Variants in STOX2 observed in about 807,000 individuals in gnomAD.
STOX2 encodes the protein storkhead box 2, also known as storkhead-box protein 2.
In STOX2, 28 loss-of-function variants were observed where a neutral mutation model predicts 60.9. The ratio of observed to expected loss-of-function variants is 0.46; its 90% confidence interval spans 0.34 to 0.63. The LOEUF (loss-of-function observed/expected upper bound fraction) is 0.63. Ranked by LOEUF, STOX2 falls within the 30% of genes least tolerant of loss-of-function variation. The pLI, the probability that STOX2 is intolerant of heterozygous loss-of-function variation, is 0.01. For missense variants in STOX2, 1,024 were observed against 1,187.7 expected, an observed-to-expected ratio of 0.86 and a Z score of 2.03; for synonymous variants, 472 against 463.9, an observed-to-expected ratio of 1.02 and a Z score of -0.22.
intron 1 of STOX2, among the ~76,000 whole-genome samples, chr4:183,946,001 A>G (rs965503619): frequency 1.3e-5 from 2 of 152,236 alleles, no homozygotes; most frequent in East Asian, 1.9e-4. Context: ...TCTAAAGGGA[A>G]CAATTTAACA....
chr4:183,800,950 G>A (rs1213854074), intron 1 of STOX2, among the ~76,000 whole-genome samples: 1 of 152,224 alleles, frequency 6.6e-6, no homozygotes, highest in East Asian at 1.9e-4. Context: ...TTGTCTGGCT[G>A]TGCTGTGGTA....
intron 1 of STOX2, among the ~76,000 whole-genome samples, chr4:183,872,640 G>A (rs180878106): frequency 2.0e-5 from 3 of 152,238 alleles, no homozygotes; most frequent in East Asian, 1.9e-4. Context: ...ATTAGAAGCC[G>A]GGTGTGTGGC....
At chr4:183,852,476 AGAAAGGATGAGG>A (rs1553968115) in intron 1 of STOX2, among the ~76,000 whole-genome samples, 3 of 1,532 alleles carry the variant, frequency 2.0e-3, no homozygotes, top group Non-Finnish European at 3.0e-3. Flanking sequence ...AAAGGATGAG[AGAAAGGATGAGG>A]GAAAGGATGA....
chr4:183,976,294 A>G (rs188559279), intron 1 of STOX2, among the ~76,000 whole-genome samples: 2 of 152,360 alleles, frequency 1.3e-5, no homozygotes, highest in East Asian at 3.9e-4. Flanking sequence ...CCTGGGCAAC[A>G]GAGCGAGACT....
In STOX2 at chr4:183,875,349, T is replaced by C. The variant is rs80201992; in HGVS notation, c.364+77294T>C. Among the ~76,000 whole-genome samples the C allele has an allele frequency of 5.2e-3, 789 of 152,216 alleles. 9 individuals are homozygous for C. The highest frequency in any genetic ancestry group is 0.015 in the African/African-American group (640 of 41,542). ...ATACCTTGGCTGGGGTTTTAGAAGA[T>C]GGGGCAGGGGAAGGAGGCAATTGTG... On this transcript the variant is annotated intron_variant, in intron 1 of 2. Transcript: ENST00000513034.
chr4:183,914,149 G>A (rs1741863546), intron 1 of STOX2, among the ~76,000 whole-genome samples: 1 of 152,220 alleles, frequency 6.6e-6, no homozygotes, highest in African/African-American at 2.4e-5. Flanking sequence ...ATGGGACAAG[G>A]TGGAAAGGGT....
At chr4:183,993,718 A>C (rs1733208498) in intron 1 of STOX2, among the ~76,000 whole-genome samples, 1 of 152,224 alleles carries the variant, frequency 6.6e-6, no homozygotes, top group Admixed American at 6.5e-5. Flanking sequence ...AATCAGTGGC[A>C]TTTGAAACAA....
intron 1 of STOX2, among the ~76,000 whole-genome samples, chr4:183,976,523 TA>T (rs1359733202): frequency 1.3e-5 from 2 of 150,812 alleles, no homozygotes; most frequent in Non-Finnish European, 2.9e-5. Flanking sequence ...AATCTGCAGC[TA>T]TGATAGCTAT....
intron 1 of STOX2, among the ~76,000 whole-genome samples, chr4:183,829,585 T>C (rs554947997): frequency 6.6e-6 from 1 of 152,224 alleles, no homozygotes; most frequent in African/African-American, 2.4e-5. Context: ...CCAGCATAGG[T>C]AACACAGTAC....
intron 1 of STOX2, among the ~76,000 whole-genome samples, chr4:183,892,300 A>G (rs1413707985): frequency 3.3e-5 from 5 of 152,078 alleles, no homozygotes; most frequent in African/African-American, 4.8e-5. Context: ...TTTTTTTGAG[A>G]CGGAGTCTCG....
chr4:183,887,123 G>T (rs972861449), intron 1 of STOX2, among the ~76,000 whole-genome samples: 5 of 152,150 alleles, frequency 3.3e-5, no homozygotes, highest in African/African-American at 1.2e-4. Flanking sequence ...AATTAGTCTG[G>T]CGTAGTGGTG....
chr4:183,823,886 A>T (rs140250472), intron 1 of STOX2, among the ~76,000 whole-genome samples: 365 of 151,282 alleles, frequency 2.4e-3, no homozygotes, highest in Non-Finnish European at 3.8e-3. Flanking sequence ...AGCTATTGTA[A>T]AGCATAATGT....
At chr4:183,956,435 C>T (rs1579466246) in intron 1 of STOX2, among the ~76,000 whole-genome samples, 2 of 134,592 alleles carry the variant, frequency 1.5e-5, no homozygotes, top group African/African-American at 2.9e-5. Context: ...ATCATTCTAT[C>T]ATTCATCTAT....
chr4:183,878,813 G>T (rs564782551), intron 1 of STOX2, among the ~76,000 whole-genome samples: 95 of 152,270 alleles, frequency 6.2e-4, no homozygotes, highest in African/African-American at 2.2e-3. Flanking sequence ...TTGAGATTAG[G>T]AGCACAAAGG....
At chr4:183,982,682 G>A (rs1358501889) in intron 1 of STOX2, among the ~76,000 whole-genome samples, 1 of 152,200 alleles carries the variant, frequency 6.6e-6, no homozygotes, top group East Asian at 1.9e-4. Context: ...TTCTGGGGAG[G>A]TAGTGTTAGG....
intron 1 of STOX2, among the ~76,000 whole-genome samples, chr4:183,827,610 C>T (rs1037650545): frequency 6.6e-6 from 1 of 152,170 alleles, no homozygotes; most frequent in Non-Finnish European, 1.5e-5. Context: ...GTGCTGTCAC[C>T]TCTATCTTCA....
chr4:183,859,383 C>T (rs1001279426), intron 1 of STOX2, among the ~76,000 whole-genome samples: 3 of 152,302 alleles, frequency 2.0e-5, no homozygotes, highest in Admixed American at 6.5e-5. Context: ...AAAGGGTGTC[C>T]ATCGGGTGAC....
chr4:183,898,935 G>A (rs2111071376), intron 1 of STOX2, among the ~76,000 whole-genome samples: 2 of 152,232 alleles, frequency 1.3e-5, no homozygotes, highest in South Asian at 4.2e-4. Context: ...ACAAACCGAA[G>A]TTTTCTGTCA....
At chr4:183,809,819 T>A (rs1458042336) in intron 1 of STOX2, among the ~76,000 whole-genome samples, 1 of 152,244 alleles carries the variant, frequency 6.6e-6, no homozygotes, top group Non-Finnish European at 1.5e-5. Flanking sequence ...AACATTACCG[T>A]TGTATCTTTT....
Sources: allele counts gnomAD v4.1 joint callset (sites outside exome capture counted in the v4.1 genomes callset), GRCh38; gene constraint gnomAD v4.1.1; transcripts MANE v1.5; gene names NCBI Gene and HGNC (gene_info 2026-07-23, HGNC 2026-07-21).